KCTD16: variants seen among roughly 807,000 people sequenced by gnomAD.
The protein encoded by KCTD16 is potassium channel tetramerization domain containing 16.
Under a neutral mutation model 33.2 loss-of-function variants are expected in KCTD16, and 13 were observed. The observed-to-expected ratio is 0.39, with a 90% CI of 0.25 to 0.62. KCTD16 has a LOEUF of 0.62. KCTD16 is among the 20% of genes least tolerant of loss of function. The pLI is 0.50. For synonymous variants in KCTD16, 197 were observed against 195.3 expected (o/e 1.01, Z -0.07); for missense variants, 441 against 525.1 (o/e 0.84, Z 1.57).
At chr5:144,268,800 A>G (rs183215409) in intron 3 of KCTD16, among the ~76,000 whole-genome samples, 62 of 152,296 alleles carry the variant, frequency 4.1e-4, no homozygotes, top group Admixed American at 1.1e-3. Flanking sequence ...CATTAAAACT[A>G]CTTTCTTAAA....
At chr5:144,254,557 A>C (rs562225523) in intron 3 of KCTD16, among the ~76,000 whole-genome samples, 178 of 152,244 alleles carry the variant, frequency 1.2e-3, no homozygotes, top group African/African-American at 4.0e-3. Context: ...CCTCTTAACA[A>C]ATTTTAAGTT....
intron 3 of KCTD16, among the ~76,000 whole-genome samples, chr5:144,469,743 A>T (rs573343948): frequency 6.6e-6 from 1 of 152,150 alleles, no homozygotes; most frequent in East Asian, 1.9e-4. Flanking sequence ...TGAGACCTGC[A>T]CTGCCATGTT....
chr5:144,434,636 A>G (rs1171796963), intron 3 of KCTD16, among the ~76,000 whole-genome samples: 2 of 152,146 alleles, frequency 1.3e-5, no homozygotes, highest in African/African-American at 2.4e-5. Flanking sequence ...GTAACTGGAC[A>G]AACCTAATGA....
chr5:144,278,481 T>TCTC, intron 3 of KCTD16, among the ~76,000 whole-genome samples: 4 of 140,752 alleles, frequency 2.8e-5, no homozygotes, highest in African/African-American at 1.1e-4. Flanking sequence ...TGTTTGTTAG[T>TCTC]CTTCTTTTTT....
At chr5:144,247,814 C>T (rs994831397) in intron 3 of KCTD16, among the ~76,000 whole-genome samples, 2 of 152,148 alleles carry the variant, frequency 1.3e-5, no homozygotes, top group African/African-American at 4.8e-5. Context: ...TCATTGTTTT[C>T]AATGGGTGTC....
intron 3 of KCTD16, among the ~76,000 whole-genome samples, chr5:144,352,106 C>T (rs1751454554): frequency 6.6e-6 from 1 of 152,170 alleles, no homozygotes; most frequent in East Asian, 1.9e-4. Flanking sequence ...ACAATGTATA[C>T]ATCTATCAAA....
At chr5:144,454,946 C>T (rs1754028130) in intron 3 of KCTD16, among the ~76,000 whole-genome samples, 1 of 152,088 alleles carries the variant, frequency 6.6e-6, no homozygotes, top group African/African-American at 2.4e-5. Context: ...TTCTTCTGGG[C>T]ACTAAGGCTA....
chr5:144,344,181 T>C (rs1752721698), intron 3 of KCTD16, among the ~76,000 whole-genome samples: 1 of 152,138 alleles, frequency 6.6e-6, no homozygotes, highest in African/African-American at 2.4e-5. Flanking sequence ...ACTGGATCCC[T>C]TCCTTACACC....
intron 3 of KCTD16, among the ~76,000 whole-genome samples, chr5:144,427,972 G>T (rs903876784): frequency 2.0e-5 from 3 of 152,086 alleles, no homozygotes; most frequent in African/African-American, 7.2e-5. Flanking sequence ...TGTGATTATT[G>T]AAATAGCTTA....
chr5:144,289,038 A>C, intron 3 of KCTD16, among the ~76,000 whole-genome samples: 1 of 152,054 alleles, frequency 6.6e-6, no homozygotes, highest in South Asian at 2.1e-4. Context: ...ACAAACAAAC[A>C]AAAAAACAAG....
chr5:144,184,871 A>G (rs1752693819), intron 2 of KCTD16, among the ~76,000 whole-genome samples: 2 of 151,156 alleles, frequency 1.3e-5, no homozygotes, highest in South Asian at 4.2e-4. Flanking sequence ...TTAATTAATC[A>G]GTTACTTCCT....
intron 3 of KCTD16, among the ~76,000 whole-genome samples, chr5:144,374,632 TA>T (rs1752044766): frequency 6.6e-6 from 1 of 152,208 alleles, no homozygotes. Flanking sequence ...TTCCTGTCCC[TA>T]GTAGAAAGGA....
intron 3 of KCTD16, among the ~76,000 whole-genome samples, chr5:144,400,537 A>G (rs1044468738): frequency 2.0e-5 from 3 of 152,154 alleles, no homozygotes. Context: ...TATGAGTAGC[A>G]GTAGATTATA....
At chr5:144,404,071 A>G (rs1489097273) in intron 3 of KCTD16, among the ~76,000 whole-genome samples, 1 of 152,126 alleles carries the variant, frequency 6.6e-6, no homozygotes, top group Admixed American at 6.5e-5. Flanking sequence ...TATTTTTAAC[A>G]CACAGCACTC....
At chr5:144,424,563 T>C (rs1753281421) in intron 3 of KCTD16, among the ~76,000 whole-genome samples, 2 of 152,206 alleles carry the variant, frequency 1.3e-5, no homozygotes, top group Non-Finnish European at 1.5e-5. Flanking sequence ...CATTTTCTGC[T>C]GTTACACTAG....
At chr5:144,418,968 A>T (rs1393279371) in intron 3 of KCTD16, among the ~76,000 whole-genome samples, 1 of 152,158 alleles carries the variant, frequency 6.6e-6, no homozygotes, top group Non-Finnish European at 1.5e-5. Flanking sequence ...GCTCATGCTT[A>T]TTCCACCAAG....
rs1258606293 is a variant in KCTD16 at position 144,419,059 on chromosome 5, A to G, written c.833-54601A>G. 3.3e-5 allele frequency among the ~76,000 whole-genome samples: 5 copies of G among 152,124 alleles called. No individual in the cohort carries two copies. The East Asian group carries it at 9.7e-4, about 29-fold the overall frequency. On this transcript the variant is annotated intron_variant, in intron 3 of 3. Transcript: ENST00000512467. ...CTATTATCCTCATTGTAGTTGGAGG[A>G]GTCTTCCTAAAATACAGTCAGATCA...
chr5:144,411,778 T>A (rs1460309344), intron 3 of KCTD16, among the ~76,000 whole-genome samples: 4 of 152,162 alleles, frequency 2.6e-5, no homozygotes, highest in Non-Finnish European at 5.9e-5. Flanking sequence ...CATTTGCAAC[T>A]ATCCATCTGA....
intron 3 of KCTD16, among the ~76,000 whole-genome samples, chr5:144,220,219 G>A (rs1580798272): frequency 6.6e-6 from 1 of 152,126 alleles, no homozygotes; most frequent in African/African-American, 2.4e-5. Context: ...GCTTCAGTGG[G>A]TTTTCCTTGA....
Sources: allele counts gnomAD v4.1 joint callset (sites outside exome capture counted in the v4.1 genomes callset), GRCh38; gene constraint gnomAD v4.1.1; transcripts MANE v1.5; gene names NCBI Gene and HGNC (gene_info 2026-07-23, HGNC 2026-07-21).